Variants in AXDND1 observed in about 807,000 individuals in gnomAD.
The protein encoded by AXDND1 is axonemal dynein light chain domain-containing protein 1.
Under a neutral mutation model 137.5 loss-of-function variants are expected in AXDND1, and 110 were observed. The observed-to-expected ratio is 0.80, with a 90% CI of 0.69 to 0.94. The LOEUF is 0.94. Ranked by LOEUF, AXDND1 falls within the 40% of genes least tolerant of loss-of-function variation. The pLI is 0.00. For synonymous variants in AXDND1, 414 were observed against 399.7 expected (o/e 1.04, Z -0.43); for missense variants, 1,191 against 1,169.8 (o/e 1.02, Z -0.26).
At position 179,432,288 on chromosome 1, in the gene AXDND1, T is replaced by C. The variant is rs115355076; in HGVS notation, c.1509T>C (p.Pro503=). 1.3e-3 allele frequency: 2,003 copies of C among 1,564,176 alleles called. 20 individuals carry two copies. In the African/African-American group the frequency reaches 0.023, roughly 18 times the overall value. Residue 503 remains proline (P), a synonymous_variant, in exon 15 of 26, where the codon CCT becomes CCC. Transcript: ENST00000367618. ...EFFNEKDILS[P]NKGNIFNSVL... is the part of the protein sequence containing the mutation. ...TCAGTGAAAAAGACATTTTATCCCC[T>C]AATAAGGGAAATATATTTAATTCAG...
At chr1:179,443,858 C>A (rs1659343145) in intron 15 of AXDND1, among the ~76,000 whole-genome samples, 1 of 152,130 alleles carries the variant, frequency 6.6e-6, no homozygotes, top group South Asian at 2.1e-4. Context: ...AAATTACTAT[C>A]ATGTTATAGT....
rs543875064 is a variant in AXDND1, at chr1:179,374,898, A to T, written c.375-3739A>T. Among the ~76,000 whole-genome samples, 30 of 152,150 alleles carry T rather than the reference A, an allele frequency of 2.0e-4. 1 individual carries two copies. In the South Asian group the frequency reaches 6.2e-3, roughly 32 times the overall value. Reference sequence around the variant, plus strand: ...TAAATGATGAGTTAATGGGGGGTGCAGCACACCAACATGGCACATGTATAT... The same window carrying T: ...TAAATGATGAGTTAATGGGGGGTGCTGCACACCAACATGGCACATGTATAT... On this transcript the variant is annotated intron_variant, in intron 4 of 25. Coordinates refer to ENST00000367618, the MANE Select transcript of AXDND1 (RefSeq NM_144696.6).
chr1:179,526,939 T>G (rs1670584545), intron 22 of AXDND1, among the ~76,000 whole-genome samples: 1 of 152,106 alleles, frequency 6.6e-6, no homozygotes, highest in African/African-American at 2.4e-5. Context: ...TAAAAATGGG[T>G]TTCACTTTAA....
In AXDND1 at chr1:179,388,976, C is replaced by CTTTT. The variant is rs11373996; in HGVS notation, c.863+3631_863+3634dup. Among the ~76,000 whole-genome samples, 537 of 112,492 alleles carry CTTTT rather than the reference C, an allele frequency of 4.8e-3. 29 individuals carry two copies. Among genetic ancestry groups the CTTTT allele is most frequent in the Non-Finnish European group, 6.7e-3 (391 of 58,518 alleles). 73.8% of individuals were successfully genotyped at this position (112,492 alleles called of 152,430 possible). ...TTTATTGCTTATTCATTTTTAGATTCTTTTTTTTTTTTTTTTTGAGATGGA... is the reference window on the plus strand; with the variant it reads ...TTTATTGCTTATTCATTTTTAGATTCTTTTTTTTTTTTTTTTTTTTTGAGATGGA... On this transcript the variant is annotated intron_variant, in intron 9 of 25. Coordinates refer to ENST00000367618, the MANE Select transcript of AXDND1 (RefSeq NM_144696.6).
intron 16 of AXDND1, among the ~76,000 whole-genome samples, chr1:179,447,049 A>G (rs536030116): frequency 1.3e-5 from 2 of 152,244 alleles, no homozygotes; most frequent in East Asian, 1.9e-4. Flanking sequence ...TATCCCTTCT[A>G]TGTGTTGGGA....
chr1:179,512,591 T>A (rs1403192530), intron 21 of AXDND1, among the ~76,000 whole-genome samples: 4 of 152,202 alleles, frequency 2.6e-5, no homozygotes, highest in Non-Finnish European at 5.9e-5. Flanking sequence ...TTTTTCTAAT[T>A]ATGTGAAGAA....
At chr1:179,553,205 C>G (rs61826365) in intron 25 of AXDND1, among the ~76,000 whole-genome samples, 30,873 of 152,154 alleles carry the variant, frequency 0.2, 3,813 homozygotes, top group Non-Finnish European at 0.27. Context: ...TTAGCTGCCC[C>G]TCAAAAAGTT....
In AXDND1 at chr1:179,491,732, G is replaced by T; in HGVS notation, c.2286G>T (p.Leu762Phe). ...TRKLYQYSSY[L>F]SSCCKGMVTA... The stretch of plus-strand genomic sequence containing the variant: ...AGTTGTACCAATACTCCAGCTATTT[G>T]AGCAGGTGAAGCGGTTATTTTATTG... Residue 762 changes from leucine (L) to phenylalanine (F), a missense_variant, in exon 19 of 26, where the codon TTG becomes TTT. Transcript: ENST00000367618. 1 of 1,556,748 alleles carries T rather than the reference G, an allele frequency of 6.4e-7. No individual in the cohort carries two copies. Among genetic ancestry groups the T allele is most frequent in the South Asian group, 1.2e-5 (1 of 80,536 alleles).
At chr1:179,464,067 A>G (rs1662768123) in intron 16 of AXDND1, among the ~76,000 whole-genome samples, 1 of 152,038 alleles carries the variant, frequency 6.6e-6, no homozygotes, top group African/African-American at 2.4e-5. Flanking sequence ...TTGACTCTTT[A>G]TCCAATTTGC....
At chr1:179,500,509 A>G (rs1667893467) in intron 20 of AXDND1, among the ~76,000 whole-genome samples, 1 of 152,092 alleles carries the variant, frequency 6.6e-6, no homozygotes, top group South Asian at 2.1e-4. Context: ...AGTATATTTC[A>G]AACTTTATTT....
At chr1:179,458,911 A>G (rs1296243345) in intron 16 of AXDND1, among the ~76,000 whole-genome samples, 4 of 152,064 alleles carry the variant, frequency 2.6e-5, no homozygotes, top group African/African-American at 9.7e-5. Flanking sequence ...ATAAAGTAAA[A>G]TAACAGATAT....
chr1:179,433,432 T>A (rs1033269741), intron 15 of AXDND1, among the ~76,000 whole-genome samples: 1 of 152,210 alleles, frequency 6.6e-6, no homozygotes, highest in African/African-American at 2.4e-5. Context: ...CTTTTGCTTC[T>A]CCAGTTATTC....
At chr1:179,438,171 A>AATAAATAAATAAATAAATAC (rs1553271454) in intron 15 of AXDND1, among the ~76,000 whole-genome samples, 61 of 151,434 alleles carry the variant, frequency 4.0e-4, no homozygotes, top group African/African-American at 1.3e-3. Flanking sequence ...TAAATAAATA[A>AATAAATAAATAAATAAATAC]ATAAATAAAT....
At chr1:179,456,954 A>G (rs1009776126) in intron 16 of AXDND1, 1 of 1,514,992 alleles carries the variant, frequency 6.6e-7, no homozygotes, top group South Asian at 1.1e-5. Flanking sequence ...TTTTTTCCAT[A>G]CTGTTCAAAA....
chr1:179,515,793 C>T (rs1260129528), intron 21 of AXDND1, among the ~76,000 whole-genome samples: 1 of 151,996 alleles, frequency 6.6e-6, no homozygotes, highest in African/African-American at 2.4e-5. Context: ...ATCATATTGG[C>T]AAAAGTTAAG....
intron 25 of AXDND1, among the ~76,000 whole-genome samples, chr1:179,537,467 T>C (rs1384733092): frequency 2.0e-5 from 3 of 152,210 alleles, no homozygotes; most frequent in Admixed American, 6.5e-5. Flanking sequence ...GTTTTTGTCA[T>C]TGGTTCTGTT....
At chr1:179,388,776 T>C (rs1649627428) in intron 9 of AXDND1, among the ~76,000 whole-genome samples, 1 of 149,230 alleles carries the variant, frequency 6.7e-6, no homozygotes, top group East Asian at 2.0e-4. Flanking sequence ...TTTGTATTTT[T>C]AGTAGAGACA....
At chr1:179,474,080 T>C (rs12736595) in intron 17 of AXDND1, among the ~76,000 whole-genome samples, 83,065 of 151,272 alleles carry the variant, frequency 0.55, 23,053 homozygotes, top group East Asian at 0.76. Context: ...CAAAAATTAG[T>C]CGGGCGTGGT....
intron 25 of AXDND1, among the ~76,000 whole-genome samples, chr1:179,535,359 G>A (rs1274158977): frequency 6.6e-6 from 1 of 152,040 alleles, no homozygotes; most frequent in East Asian, 1.9e-4. Flanking sequence ...TTCTCCTAAT[G>A]CTATCCCTCC....
Sources: allele counts gnomAD v4.1 joint callset (sites outside exome capture counted in the v4.1 genomes callset), GRCh38; gene constraint gnomAD v4.1.1; transcripts MANE v1.5; gene names NCBI Gene and HGNC (gene_info 2026-07-23, HGNC 2026-07-21).